Variants in ATAD3A observed in about 807,000 individuals in gnomAD.
ATAD3A encodes the protein ATPase family AAA domain containing 3A.
Under a neutral mutation model 73.8 loss-of-function variants are expected in ATAD3A, and 46 were observed. The ratio of observed to expected loss-of-function variants is 0.62; its 90% CI spans 0.49 to 0.80. The LOEUF (loss-of-function observed/expected upper bound fraction) is 0.80, where lower values mean the gene tolerates loss of function less well. Among genes scored for constraint, ATAD3A ranks in the 30% least tolerant of loss-of-function variants. The pLI is 0.00. For synonymous variants in ATAD3A, 319 were observed against 350.0 expected (o/e 0.91, Z 0.99); for missense variants, 705 against 838.0 (o/e 0.84, Z 1.96).
In ATAD3A at chr1:1,522,737, G is replaced by C. The variant is rs530219326; in HGVS notation, c.751-7G>C. The stretch of plus-strand genomic sequence containing the variant: ...GCCGGTGCGCCAGTGCGGTGTCTCT[G>C]CTGCAGGTGGCTGGGCTGACGCTGC... On this transcript the variant is annotated splice_region_variant and splice_polypyrimidine_tract_variant and intron_variant, in intron 7 of 15. Transcript: ENST00000378756. 6.2e-7 allele frequency: 1 copy of C among 1,612,102 alleles called. No homozygotes were observed. The highest frequency in any genetic ancestry group is 1.7e-5 in the Admixed American group (1 of 59,998).
intron 7 of ATAD3A, among the ~76,000 whole-genome samples, chr1:1,521,418 G>C (rs796190680): frequency 1.3e-5 from 2 of 148,800 alleles, no homozygotes; most frequent in South Asian, 4.2e-4. Context: ...TTCTTCTCTC[G>C]TTTAAAGCCT....
Position 1,523,516 on chromosome 1 carries a change from C to T in ATAD3A, c.912C>T (p.Ser304=), listed in dbSNP as rs746820167. Reference sequence around the variant, plus strand: ...TTCCCCTTCCCCTCCGGCAGGTCAGCCGGCGGCTCCTCAGTCGACCCCAGG... The same window carrying T: ...TTCCCCTTCCCCTCCGGCAGGTCAGTCGGCGGCTCCTCAGTCGACCCCAGG... ...LEALRHPIQV[S]RRLLSRPQDA... is the part of the protein sequence containing the mutation. The change falls in exon 9 of 16, where the codon AGC becomes AGT. Residue 304 remains serine (S), a synonymous_variant. Transcript: ENST00000378756. The surrounding 1 kb of genome is among the most constrained non-coding windows in gnomAD (Gnocchi z 5.1). 23 of 1,612,400 alleles carry T rather than the reference C, an allele frequency of 1.4e-5. No individual in the cohort carries two copies. In the South Asian group the frequency reaches 2.1e-4, roughly 15 times the overall value.
intron 7 of ATAD3A, among the ~76,000 whole-genome samples, chr1:1,521,662 C>G (rs1268941586): frequency 1.3e-5 from 2 of 152,256 alleles, no homozygotes; most frequent in Admixed American, 1.3e-4. Context: ...GACCGTGTCA[C>G]GTGAGGACAT....
In ATAD3A at chr1:1,518,821, C is replaced by A; in HGVS notation, c.445-100C>A. ...CACCGTCACACCCCGCAAACGGGCA[C>A]ACTCACCCCCCTGCACACTCGGGCA... On this transcript the variant is annotated intron_variant, in intron 4 of 15. Transcript: ENST00000378756. 5.6e-6 allele frequency: 9 copies of A among 1,603,690 alleles called. No homozygotes were observed. In the South Asian group the frequency reaches 1.0e-4, roughly 18 times the overall value.
chr1:1,516,891 T>G (rs1392129936), intron 2 of ATAD3A, among the ~76,000 whole-genome samples: 1 of 152,046 alleles, frequency 6.6e-6, no homozygotes, highest in Non-Finnish European at 1.5e-5. Context: ...TTTGTATTTT[T>G]AGTAGAGATG....
Position 1,523,683 on chromosome 1 carries a change from G to A in ATAD3A, c.963+116G>A. 4 of 1,592,620 alleles carry A rather than the reference G, an allele frequency of 2.5e-6. No individual in the cohort carries two copies. The highest frequency in any genetic ancestry group is 3.4e-6 in the Non-Finnish European group (4 of 1,167,816). On this transcript the variant is annotated intron_variant, in intron 9 of 15. Transcript: ENST00000378756. The surrounding 1 kb of genome is among the most constrained non-coding windows in gnomAD (Gnocchi z 5.1). ...CCCAGGAGCTTTTGGGTCCTGAGATGCGACTGCTTGGACCGTGCTGGGGAT... is the reference window on the plus strand; with the variant it reads ...CCCAGGAGCTTTTGGGTCCTGAGATACGACTGCTTGGACCGTGCTGGGGAT...
intron 2 of ATAD3A, 195 bp from the exon 3 acceptor site, chr1:1,517,116 G>C: frequency 6.5e-7 from 1 of 1,541,334 alleles, no homozygotes; most frequent in Non-Finnish European, 8.8e-7. Context: ...TTCTGCTGGT[G>C]CTTCTGTGCC....
At chr1:1,525,827 G>C (rs190244284) in intron 12 of ATAD3A, among the ~76,000 whole-genome samples, 1 of 151,866 alleles carries the variant, frequency 6.6e-6, no homozygotes, top group Non-Finnish European at 1.5e-5. Flanking sequence ...TGCCTCAGCC[G>C]CCTGAGTAGC....
At chr1:1,533,821 TC>T in intron 15 of ATAD3A, 104 bp from the exon 16 acceptor site, 1 of 1,433,040 alleles carries the variant, frequency 7.0e-7, no homozygotes, top group Non-Finnish European at 9.3e-7. Flanking sequence ...GCTCAGGCCA[TC>T]CTGGAGCCCC....
In ATAD3A at chr1:1,530,779, A is replaced by C. The variant is rs186361161; in HGVS notation, c.1614+1448A>C. ...GGGAGGCGGAGCTTGCAGTGAGCCG[A>C]GATCCCGCCACTGCACTCCAGCCTG... On this transcript the variant is annotated intron_variant, in intron 15 of 15. Coordinates refer to ENST00000378756, the MANE Select transcript of ATAD3A (RefSeq NM_001170535.3). Among the ~76,000 whole-genome samples the C allele has an allele frequency of 8.5e-5, 8 of 93,700 alleles. No homozygotes were observed. The Admixed American group carries it at 9.4e-4, about 11-fold the overall frequency. The allele number at this position is 93,700 out of a possible 152,430, so 61.5% of individuals were successfully genotyped here.
chr1:1,518,011 T>C (rs1231311670), intron 4 of ATAD3A, among the ~76,000 whole-genome samples: 1 of 150,692 alleles, frequency 6.6e-6, no homozygotes, highest in Non-Finnish European at 1.5e-5. Context: ...GGACACACAC[T>C]CCTCGCACAC....
intron 11 of ATAD3A, 73 bp from the exon 12 acceptor site, chr1:1,525,167 G>C (rs1475202938): frequency 5.0e-6 from 8 of 1,602,456 alleles, no homozygotes; most frequent in Non-Finnish European, 6.8e-6. Context: ...GCCTGCTCCT[G>C]CCGCGGCCGG....
chr1:1,519,731 T>A (rs1641515094), intron 5 of ATAD3A, among the ~76,000 whole-genome samples: 1 of 145,256 alleles, frequency 6.9e-6, no homozygotes, highest in Non-Finnish European at 1.5e-5. Context: ...GCTGTGTTTC[T>A]GTGTGAGGGG....
Position 1,534,196 on chromosome 1 carries a change from T to C in ATAD3A, c.*124T>C. 2 of 1,548,144 alleles carry C rather than the reference T, an allele frequency of 1.3e-6. No individual in the cohort carries two copies. The highest frequency in any genetic ancestry group is 1.7e-6 in the Non-Finnish European group (2 of 1,147,238). ...GACTGGGCTGTGCCCAGGGCCTCTG[T>C]CCCCCAGGATGTCTTGTGGTGCGGG... is the stretch of plus-strand genomic sequence containing the variant. On this transcript the variant is annotated 3_prime_UTR_variant, in exon 16 of 16. Coordinates refer to ENST00000378756, the MANE Select transcript of ATAD3A (RefSeq NM_001170535.3).
chr1:1,518,062 C>T (rs1186819057), intron 4 of ATAD3A, among the ~76,000 whole-genome samples: 1 of 151,704 alleles, frequency 6.6e-6, no homozygotes, highest in African/African-American at 2.4e-5. Flanking sequence ...CACTTCTGCA[C>T]ACACGGGCAC....
chr1:1,532,854 G>A (rs945413542), intron 15 of ATAD3A, among the ~76,000 whole-genome samples: 1 of 152,022 alleles, frequency 6.6e-6, no homozygotes, highest in Non-Finnish European at 1.5e-5. Flanking sequence ...CACAGTGGCG[G>A]TGCGGCTCTG....
chr1:1,520,694 G>A lies in ATAD3A; in HGVS notation c.750+77G>A, dbSNP rs886649481. ...GGGGCCTCCTGGAGCCCCAGGTCCTGTCCCTGCCGGCTCTGCACAGCCCTG... is the reference window on the plus strand; with the variant it reads ...GGGGCCTCCTGGAGCCCCAGGTCCTATCCCTGCCGGCTCTGCACAGCCCTG... On this transcript the variant is annotated intron_variant, in intron 7 of 15. Transcript: ENST00000378756. This position sits in a 1 kb window ranked among gnomAD's most constrained non-coding sequence, Gnocchi z 4.0. 16 of 1,609,356 alleles carry A rather than the reference G, an allele frequency of 9.9e-6. No individual in the cohort carries two copies. The African/African-American group carries it at 2.1e-4, about 22-fold the overall frequency.
At chr1:1,514,645 C>T (rs532545014) in intron 1 of ATAD3A, among the ~76,000 whole-genome samples, 422 of 152,312 alleles carry the variant, frequency 2.8e-3, no homozygotes, top group African/African-American at 9.3e-3. Context: ...CTAAATGCAA[C>T]GAGTGCTCCC....
chr1:1,527,824 T>C lies in ATAD3A; in HGVS notation c.1467T>C (p.Phe489=). Residue 489 remains phenylalanine, a synonymous_variant, in exon 14 of 16, where the codon TTT becomes TTC. Coordinates refer to ENST00000378756, the MANE Select transcript of ATAD3A (RefSeq NM_001170535.3). ...GGGAGCGCCTGGTGAGAATGTATTT[T>C]GACAAGTATGTTCTTAAGCCGGCCA... ...EERERLVRMY[F]DKYVLKPATE... is the part of the protein sequence containing the mutation. 1 of 1,613,944 alleles carries C rather than the reference T, an allele frequency of 6.2e-7. No homozygotes were observed.
Sources: gnomAD v4.1 joint callset for allele counts (sites outside exome capture counted in the v4.1 genomes callset) on GRCh38, gnomAD v4.1.1 for gene constraint, Gnocchi (gnomAD v3.1) non-coding constraint, MANE v1.5 for transcripts, NCBI Gene and HGNC (gene_info 2026-07-23, HGNC 2026-07-21) for gene names.